The following THRAP3 variants were observed in gnomAD, a reference collection of about 807,000 sequenced individuals.
THRAP3 encodes thyroid hormone receptor associated protein 3.
Under a neutral mutation model 101.0 loss-of-function variants are expected in THRAP3, and 16 were observed. That is an observed-to-expected ratio of 0.16 (90% CI 0.11 to 0.24). The LOEUF (loss-of-function observed/expected upper bound fraction) is 0.24, where lower values mean the gene tolerates loss of function less well. THRAP3 is among the 10% of genes least tolerant of loss of function. The pLI is 1.00. For synonymous variants in THRAP3, 407 were observed against 422.6 expected (o/e 0.96, Z 0.45); for missense variants, 989 against 1,202.7 (o/e 0.82, Z 2.63).
chr1:36,281,632 AGTT>A (rs1241864885), intron 2 of THRAP3, among the ~76,000 whole-genome samples: 1 of 150,790 alleles, frequency 6.6e-6, no homozygotes, highest in Non-Finnish European at 1.5e-5. Context: ...TTATTTAAAC[AGTT>A]GTTTTTTTTG....
the THRAP3 span, among the ~76,000 whole-genome samples, chr1:36,209,909 AG>A: frequency 6.6e-6 from 1 of 152,318 alleles, no homozygotes; most frequent in South Asian, 2.1e-4. Flanking sequence ...GCGTGGAAAA[AG>A]AGTGGCAACA....
At chr1:36,252,866 C>A (rs150339877) in intron 1 of THRAP3, among the ~76,000 whole-genome samples, 8 of 148,406 alleles carry the variant, frequency 5.4e-5, no homozygotes, top group African/African-American at 2.0e-4. Context: ...AAGACCATGC[C>A]ACTGCACGCC....
At chr1:36,303,666 G>C (rs750453555) in intron 11 of THRAP3, 130 bp from the exon 12 acceptor site, 1 of 1,415,218 alleles carries the variant, frequency 7.1e-7, no homozygotes, top group African/African-American at 1.4e-5. Flanking sequence ...GAGAAGTGCA[G>C]AAAAGGATCA....
Position 36,303,863 on chromosome 1 carries a change from C to CTCGGGG in THRAP3, c.2721_2726dup (p.Gly909_Arg910dup). 1 of 1,614,100 alleles carries CTCGGGG rather than the reference C, an allele frequency of 6.2e-7. No homozygotes were observed. Among genetic ancestry groups the CTCGGGG allele is most frequent in the Non-Finnish European group, 8.5e-7 (1 of 1,180,008 alleles). On this transcript the variant is annotated inframe_insertion, in exon 12 of 12. Transcript: ENST00000354618. ...CGGGGCCGGGGCCGAGGAGCCTTTCCTCGGGGTCGGGGCCGGTTCATGTTC... is the reference window on the plus strand; with the variant it reads ...CGGGGCCGGGGCCGAGGAGCCTTTCCTCGGGGTCGGGGTCGGGGCCGGTTCATGTTC...
chr1:36,295,234 A>G (rs956434306), intron 8 of THRAP3, among the ~76,000 whole-genome samples: 19 of 149,912 alleles, frequency 1.3e-4, no homozygotes, highest in South Asian at 4.2e-4. Context: ...AAAAAAAAAA[A>G]AGGAAAAAAA....
At chr1:36,252,965 T>TAA (rs1215035108) in intron 1 of THRAP3, among the ~76,000 whole-genome samples, 10 of 129,976 alleles carry the variant, frequency 7.7e-5, no homozygotes, top group Non-Finnish European at 1.5e-4. Flanking sequence ...TATATATATA[T>TAA]ATATAAATGT....
Position 36,292,699 on chromosome 1 carries a change from G to C in THRAP3, c.2020G>C (p.Glu674Gln). 6.2e-7 allele frequency: 1 copy of C among 1,613,240 alleles called. No individual in the cohort carries two copies. Among genetic ancestry groups the C allele is most frequent in the Non-Finnish European group, 8.5e-7 (1 of 1,179,428 alleles). ...GGCAGCCAAAAACAAGAAAAGCCCA[G>C]AGATACACAGGTAAGGACCATGGCC... ...QEAAKNKKSP[E>Q]IHRRIDISPS... Residue 674 changes from glutamate (E) to glutamine (Q), a missense_variant, in exon 7 of 12, where the codon GAG (glutamate) becomes CAG (glutamine). Transcript: ENST00000354618.
rs760926333 is a variant in THRAP3, at chr1:36,292,182, G to A, written c.1919-416G>A. Among the ~76,000 whole-genome samples, 18 of 149,350 alleles carry A rather than the reference G, an allele frequency of 1.2e-4. 1 individual carries two copies. The highest frequency in any genetic ancestry group is 6.7e-4 in the Admixed American group (10 of 14,956). On this transcript the variant is annotated intron_variant, in intron 6 of 11. Transcript: ENST00000354618. ...TGTTGTGTGGATTTAACTACTTTAG[G>A]TGCATCTCTGTGGTTACGGGTTCCT... is the stretch of plus-strand genomic sequence containing the variant.
intron 4 of THRAP3, 101 bp from the exon 5 acceptor site, chr1:36,288,959 T>C (rs1021907758): frequency 2.2e-6 from 3 of 1,388,238 alleles, no homozygotes; most frequent in Non-Finnish European, 1.9e-6. Context: ...CCATAAGACA[T>C]GTTTTTTTCA....
At chr1:36,214,543 T>G in the THRAP3 span, among the ~76,000 whole-genome samples, 2 of 152,158 alleles carry the variant, frequency 1.3e-5, no homozygotes, top group Admixed American at 6.6e-5. Context: ...GTTCTCACAC[T>G]GTACCATAGT....
At chr1:36,277,228 C>T (rs1645672583) in intron 2 of THRAP3, among the ~76,000 whole-genome samples, 1 of 152,028 alleles carries the variant, frequency 6.6e-6, no homozygotes, top group Non-Finnish European at 1.5e-5. Context: ...CTCTGCCTCC[C>T]AAAGTGCTGG....
chr1:36,248,863 A>G (rs1051723625), intron 1 of THRAP3, among the ~76,000 whole-genome samples: 1 of 151,988 alleles, frequency 6.6e-6, no homozygotes, highest in African/African-American at 2.4e-5. Flanking sequence ...AGGAGATACA[A>G]GATAAATATA....
At chr1:36,267,634 T>A in intron 2 of THRAP3, among the ~76,000 whole-genome samples, 1 of 151,802 alleles carries the variant, frequency 6.6e-6, no homozygotes, top group East Asian at 1.9e-4. Context: ...AGAAAGCAAT[T>A]AGTAATAGTC....
intron 1 of THRAP3, among the ~76,000 whole-genome samples, chr1:36,234,495 C>G (rs1645063019): frequency 6.6e-6 from 1 of 152,048 alleles, no homozygotes; most frequent in African/African-American, 2.4e-5. Context: ...GAGATTTTTA[C>G]TGTTATGGTA....
At chr1:36,303,049 A>C (rs1459413959) in intron 11 of THRAP3, among the ~76,000 whole-genome samples, 1 of 151,174 alleles carries the variant, frequency 6.6e-6, no homozygotes, top group African/African-American at 2.4e-5. Flanking sequence ...GGATTCAAGC[A>C]GTTCTCCTGC....
the THRAP3 span, among the ~76,000 whole-genome samples, chr1:36,212,418 CTTTTTTTTTTTTT>C: frequency 8.2e-6 from 1 of 122,030 alleles, no homozygotes; most frequent in Non-Finnish European, 1.7e-5. Flanking sequence ...TTCTTTCTTT[CTTTTTTTTTTTTT>C]TTTTTTTGAG....
intron 1 of THRAP3, among the ~76,000 whole-genome samples, chr1:36,243,829 A>G (rs1325427420): frequency 8.5e-6 from 1 of 118,258 alleles, no homozygotes; most frequent in Admixed American, 8.5e-5. Context: ...CGGGGGGCTG[A>G]CCCCCACACC....
chr1:36,275,061 C>T (rs1262647839), intron 2 of THRAP3, among the ~76,000 whole-genome samples: 1 of 149,662 alleles, frequency 6.7e-6, no homozygotes, highest in Non-Finnish European at 1.5e-5. Flanking sequence ...ATCACGAGGT[C>T]AGGAGATCAA....
chr1:36,240,878 TAA>T (rs1205601055), intron 1 of THRAP3, among the ~76,000 whole-genome samples: 1 of 152,204 alleles, frequency 6.6e-6, no homozygotes, highest in Non-Finnish European at 1.5e-5. Context: ...GCAAAATAGG[TAA>T]AGTGTGCCAT....
Sources: allele counts gnomAD v4.1 joint callset (sites outside exome capture counted in the v4.1 genomes callset), GRCh38; gene constraint gnomAD v4.1.1; transcripts MANE v1.5; gene names NCBI Gene and HGNC (gene_info 2026-07-23, HGNC 2026-07-21).